SNX9: variants seen among roughly 807,000 people sequenced by gnomAD.
SNX9 encodes the protein sorting nexin 9, also known as sorting nexin-9.
Under a neutral mutation model 89.4 loss-of-function variants are expected in SNX9, and 44 were observed. The observed-to-expected ratio is 0.49, with a 90% CI of 0.39 to 0.63. The LOEUF is 0.63. Ranked by LOEUF, SNX9 falls within the 30% of genes least tolerant of loss-of-function variation. The pLI is 0.00. For synonymous variants in SNX9, 236 were observed against 247.8 expected (o/e 0.95, Z 0.45); for missense variants, 578 against 736.1 (o/e 0.79, Z 2.49).
At chr6:157,929,399 T>G (rs948439452) in intron 12 of SNX9, among the ~76,000 whole-genome samples, 6 of 152,370 alleles carry the variant, frequency 3.9e-5, no homozygotes, top group Non-Finnish European at 7.3e-5. Flanking sequence ...CAGAGTGACT[T>G]GTCAGGCCCT....
At chr6:157,860,529 G>T (rs188816435) in intron 1 of SNX9, among the ~76,000 whole-genome samples, 1 of 152,340 alleles carries the variant, frequency 6.6e-6, no homozygotes, top group African/African-American at 2.4e-5. Flanking sequence ...CTTGGTAATC[G>T]TGATGGTACA....
chr6:157,895,922 C>T (rs1013867891), intron 4 of SNX9, among the ~76,000 whole-genome samples: 1 of 152,168 alleles, frequency 6.6e-6, no homozygotes, highest in South Asian at 2.1e-4. Context: ...ACAGGAGATC[C>T]CAGTCTACCT....
intron 1 of SNX9, among the ~76,000 whole-genome samples, chr6:157,843,797 T>G (rs1781747339): frequency 6.6e-6 from 1 of 152,166 alleles, no homozygotes; most frequent in African/African-American, 2.4e-5. Context: ...TTAGAAGAGC[T>G]TAAATAGTTT....
At chr6:157,907,682 C>CTG (rs1238889521) in intron 7 of SNX9, among the ~76,000 whole-genome samples, 3 of 152,230 alleles carry the variant, frequency 2.0e-5, no homozygotes, top group African/African-American at 7.2e-5. Flanking sequence ...TTAAGTAGAA[C>CTG]TGCACCCATG....
At chr6:157,892,003 G>A (rs1246124086) in intron 4 of SNX9, among the ~76,000 whole-genome samples, 2 of 152,158 alleles carry the variant, frequency 1.3e-5, no homozygotes, top group African/African-American at 4.8e-5. Flanking sequence ...TCTAGGGGCA[G>A]TGAGTGCTAA....
chr6:157,834,167 T>TTG (rs1781533010), intron 1 of SNX9, among the ~76,000 whole-genome samples: 1 of 116,556 alleles, frequency 8.6e-6, no homozygotes, highest in African/African-American at 3.4e-5. Flanking sequence ...TTTTTTTTTT[T>TTG]TTTTTTTTTT....
At chr6:157,824,708 C>T (rs1196544466) in intron 1 of SNX9, among the ~76,000 whole-genome samples, 3 of 152,154 alleles carry the variant, frequency 2.0e-5, no homozygotes, top group African/African-American at 7.2e-5. Flanking sequence ...TCCAGGGAAC[C>T]TGTTGCTGCT....
chr6:157,941,832 G>A (rs1784042305), intron 17 of SNX9, among the ~76,000 whole-genome samples: 1 of 152,232 alleles, frequency 6.6e-6, no homozygotes, highest in Non-Finnish European at 1.5e-5. Flanking sequence ...GTTGGTTTGG[G>A]AGACTAACTT....
At chr6:157,921,014 A>T (rs1431756516) in intron 9 of SNX9, among the ~76,000 whole-genome samples, 1 of 152,196 alleles carries the variant, frequency 6.6e-6, no homozygotes, top group Non-Finnish European at 1.5e-5. Context: ...CATAATGCTA[A>T]ATTTAAACTT....
intron 4 of SNX9, among the ~76,000 whole-genome samples, chr6:157,883,496 C>T (rs559712083): frequency 2.0e-5 from 3 of 152,282 alleles, no homozygotes; most frequent in South Asian, 2.1e-4. Context: ...GGCAAGCAGA[C>T]GCTGAACGGT....
At position 157,844,600 on chromosome 6, in the gene SNX9, G is replaced by GTTTTTTTTTTTTTTT. The variant is rs34836632; in HGVS notation, c.12+21165_12+21166insTTTTTTTTTTTTTTT. Among the ~76,000 whole-genome samples, 31 of 131,790 alleles carry GTTTTTTTTTTTTTTT rather than the reference G, an allele frequency of 2.4e-4. 1 individual carries two copies. The highest frequency in any genetic ancestry group is 3.6e-4 in the Non-Finnish European group (22 of 61,604). 86.5% of individuals were successfully genotyped at this position (131,790 alleles called of 152,430 possible). A position where few individuals can be genotyped will look rare whatever the true frequency, so the allele number is the denominator to read the frequency against. ...TGGCTAATCCTTGTTTTTTTTTTTT[G>GTTTTTTTTTTTTTTT]TTTTTTTTTTTGAGACAGAGTCTCA... On this transcript the variant is annotated intron_variant, in intron 1 of 17. Transcript: ENST00000392185.
intron 15 of SNX9, among the ~76,000 whole-genome samples, chr6:157,938,349 C>T (rs756481165): frequency 9.2e-5 from 14 of 152,212 alleles, no homozygotes; most frequent in Non-Finnish European, 1.8e-4. Flanking sequence ...CAAATGGCAG[C>T]GGCTTCTGAA....
intron 4 of SNX9, among the ~76,000 whole-genome samples, chr6:157,893,608 TTGTGTGTGTG>T (rs3047741): frequency 6.7e-6 from 1 of 148,754 alleles, no homozygotes; most frequent in African/African-American, 2.5e-5. Flanking sequence ...CTAGCACCAT[TTGTGTGTGTG>T]TGTGTGTGTG....
At chr6:157,939,041 T>A (rs914672731) in intron 16 of SNX9, among the ~76,000 whole-genome samples, 1 of 152,172 alleles carries the variant, frequency 6.6e-6, no homozygotes, top group Non-Finnish European at 1.5e-5. Flanking sequence ...CTCTATTAAA[T>A]GCCAGAGCCC....
intron 9 of SNX9, among the ~76,000 whole-genome samples, chr6:157,916,029 G>T (rs1331620976): frequency 6.7e-6 from 1 of 150,150 alleles, no homozygotes; most frequent in East Asian, 1.9e-4. Flanking sequence ...TGGTTTTTTT[G>T]TCTTTTCTTT....
chr6:157,837,555 A>C (rs746847277), intron 1 of SNX9, among the ~76,000 whole-genome samples: 1 of 152,188 alleles, frequency 6.6e-6, no homozygotes, highest in Non-Finnish European at 1.5e-5. Flanking sequence ...ATGAATTTGA[A>C]TTTCAGCGGC....
intron 4 of SNX9, among the ~76,000 whole-genome samples, chr6:157,896,587 A>G (rs539002658): frequency 6.6e-6 from 1 of 152,374 alleles, no homozygotes; most frequent in Non-Finnish European, 1.5e-5. Context: ...GCTGTTTTCA[A>G]AGTTCCTAAG....
intron 4 of SNX9, among the ~76,000 whole-genome samples, chr6:157,878,601 T>G (rs887409177): frequency 6.6e-6 from 1 of 152,022 alleles, no homozygotes; most frequent in African/African-American, 2.4e-5. Context: ...CCCAGGTAAT[T>G]TTTGTATTTT....
intron 2 of SNX9, among the ~76,000 whole-genome samples, chr6:157,869,674 G>A (rs1476540054): frequency 1.3e-5 from 2 of 152,090 alleles, no homozygotes; most frequent in African/African-American, 2.4e-5. Flanking sequence ...CTGTCTAAAC[G>A]GCCAGTGTGG....
Sources: allele counts gnomAD v4.1 joint callset (sites outside exome capture counted in the v4.1 genomes callset), GRCh38; gene constraint gnomAD v4.1.1; transcripts MANE v1.5; gene names NCBI Gene and HGNC (gene_info 2026-07-23, HGNC 2026-07-21).